LUZP2: variants seen among roughly 807,000 people sequenced by gnomAD.
The protein encoded by LUZP2 is leucine zipper protein 2.
In LUZP2, 52 loss-of-function variants were observed where a neutral mutation model predicts 51.6. That is an observed-to-expected ratio of 1.01 (90% CI 0.81 to 1.27). The LOEUF (loss-of-function observed/expected upper bound fraction) is 1.27. Ranked by LOEUF, LUZP2 falls within the 50% of genes most tolerant of loss-of-function variation. The pLI, the probability that LUZP2 is intolerant of heterozygous loss-of-function variation, is 0.00. For synonymous variants in LUZP2, 154 were observed against 137.3 expected, an observed-to-expected ratio of 1.12 and a Z score of -0.85; for missense variants, 436 against 395.4, an observed-to-expected ratio of 1.10 and a Z score of -0.87.
intron 2 of LUZP2, 28 bp from the exon 3 acceptor site, chr11:24,732,090 A>G (rs1349534770): frequency 6.3e-7 from 1 of 1,577,264 alleles, no homozygotes; most frequent in Non-Finnish European, 8.7e-7. Flanking sequence ...ACCTGAATAA[A>G]ACTTCATTTT....
At chr11:24,792,514 T>C (rs1382526169) in intron 5 of LUZP2, among the ~76,000 whole-genome samples, 1 of 152,092 alleles carries the variant, frequency 6.6e-6, no homozygotes, top group East Asian at 1.9e-4. Flanking sequence ...GAGTGCTGTG[T>C]TGGTTTTTTT....
At chr11:24,980,903 TAA>T (rs933913878) in intron 8 of LUZP2, among the ~76,000 whole-genome samples, 4 of 151,780 alleles carry the variant, frequency 2.6e-5, no homozygotes, top group African/African-American at 9.7e-5. Context: ...GATATTGTGA[TAA>T]ACAGGGCATT....
chr11:24,741,944 TACATTTATATATTATATATAAATATATAC>T (rs1859175685), intron 4 of LUZP2, among the ~76,000 whole-genome samples: 1 of 132,130 alleles, frequency 7.6e-6, no homozygotes, highest in Non-Finnish European at 1.6e-5. Flanking sequence ...TATAAATATA[TACATTTATATATTATATATAAATATATAC>T]ATTTATATAT....
chr11:24,573,113 ATTG>A (rs1459264898), intron 1 of LUZP2, among the ~76,000 whole-genome samples: 1 of 97,626 alleles, frequency 1.0e-5, no homozygotes, highest in Non-Finnish European at 2.5e-5. Flanking sequence ...TAAAAGAGAA[ATTG>A]TTTTTTCAAG....
intron 9 of LUZP2, among the ~76,000 whole-genome samples, chr11:25,013,726 C>T (rs976065092): frequency 6.6e-6 from 1 of 151,872 alleles, no homozygotes; most frequent in Admixed American, 6.6e-5. Context: ...TAAAAAATTA[C>T]ATTAACTGTA....
intron 5 of LUZP2, among the ~76,000 whole-genome samples, chr11:24,874,280 C>G (rs995847474): frequency 3.9e-5 from 6 of 152,096 alleles, no homozygotes; most frequent in Non-Finnish European, 8.8e-5. Flanking sequence ...CAGGTTCCAA[C>G]CTGAGCTGGG....
chr11:24,597,383 A>G (rs1305881060), intron 1 of LUZP2, among the ~76,000 whole-genome samples: 1 of 152,300 alleles, frequency 6.6e-6, no homozygotes, highest in East Asian at 1.9e-4. Context: ...ATATGGGATA[A>G]AACACACTTT....
chr11:24,925,887 AC>A (rs1443725378), intron 7 of LUZP2, among the ~76,000 whole-genome samples: 3 of 151,086 alleles, frequency 2.0e-5, no homozygotes, highest in Non-Finnish European at 4.4e-5. Context: ...TTTATCCCTC[AC>A]CTCCCTCGCA....
At chr11:24,713,713 G>T (rs1040284442) in intron 1 of LUZP2, among the ~76,000 whole-genome samples, 39 of 138,886 alleles carry the variant, frequency 2.8e-4, no homozygotes, top group African/African-American at 1.1e-3. Flanking sequence ...TTCTGAGATG[G>T]AGTCTTGCTC....
intron 5 of LUZP2, among the ~76,000 whole-genome samples, chr11:24,844,262 A>T (rs1291325967): frequency 6.6e-6 from 1 of 152,166 alleles, no homozygotes; most frequent in Non-Finnish European, 1.5e-5. Context: ...TGGGAACTGG[A>T]GCAAAGGTAG....
intron 1 of LUZP2, among the ~76,000 whole-genome samples, chr11:24,678,012 G>A (rs1262703003): frequency 6.8e-6 from 1 of 147,268 alleles, no homozygotes; most frequent in Non-Finnish European, 1.5e-5. Flanking sequence ...ACTCCAGCCT[G>A]GGCGACAGAG....
intron 5 of LUZP2, among the ~76,000 whole-genome samples, chr11:24,881,084 T>C (rs1477687307): frequency 6.6e-6 from 1 of 152,140 alleles, no homozygotes; most frequent in Non-Finnish European, 1.5e-5. Context: ...CTTTGTTTTT[T>C]GGTTGCCAGG....
intron 9 of LUZP2, among the ~76,000 whole-genome samples, chr11:25,027,966 A>G (rs1256654156): frequency 3.3e-5 from 5 of 152,054 alleles, no homozygotes; most frequent in African/African-American, 1.2e-4. Flanking sequence ...GTTCAAATCT[A>G]TCAACTAGTA....
At chr11:24,543,163 A>G (rs1839652974) in intron 1 of LUZP2, among the ~76,000 whole-genome samples, 1 of 150,800 alleles carries the variant, frequency 6.6e-6, no homozygotes, top group Non-Finnish European at 1.5e-5. Context: ...GGTGGTTTCA[A>G]TTTGTATATA....
chr11:24,633,252 A>T (rs2133930611), intron 1 of LUZP2, among the ~76,000 whole-genome samples: 1 of 152,188 alleles, frequency 6.6e-6, no homozygotes, highest in African/African-American at 2.4e-5. Context: ...ACAATGAAAC[A>T]AACAGATCTG....
At chr11:24,570,724 A>G (rs1326841168) in intron 1 of LUZP2, among the ~76,000 whole-genome samples, 1 of 152,028 alleles carries the variant, frequency 6.6e-6, no homozygotes. Context: ...TTTTCTATGG[A>G]GCTTTAACTT....
intron 5 of LUZP2, among the ~76,000 whole-genome samples, chr11:24,846,861 C>A (rs187470930): frequency 1.3e-5 from 2 of 151,900 alleles, no homozygotes; most frequent in Admixed American, 6.6e-5. Flanking sequence ...ATTTAATACA[C>A]TCTCTCCATA....
intron 1 of LUZP2, among the ~76,000 whole-genome samples, chr11:24,536,331 C>T (rs1474744931): frequency 6.6e-6 from 1 of 151,796 alleles, no homozygotes; most frequent in African/African-American, 2.4e-5. Flanking sequence ...TCTTCTCTAG[C>T]TATGAAAGTC....
intron 1 of LUZP2, among the ~76,000 whole-genome samples, chr11:24,635,828 C>G (rs918504571): frequency 6.6e-6 from 1 of 151,974 alleles, no homozygotes; most frequent in Non-Finnish European, 1.5e-5. Flanking sequence ...TAAGAGGCCC[C>G]ACAGCAATAC....
Sources: allele counts gnomAD v4.1 joint callset (sites outside exome capture counted in the v4.1 genomes callset), GRCh38; gene constraint gnomAD v4.1.1; transcripts MANE v1.5; gene names NCBI Gene and HGNC (gene_info 2026-07-23, HGNC 2026-07-21).